Variants in GMEB1 observed in about 807,000 individuals in gnomAD.
GMEB1 encodes the protein glucocorticoid modulatory element-binding protein 1.
In GMEB1, 6 loss-of-function variants were observed where a neutral mutation model predicts 52.4. That is an observed-to-expected ratio of 0.11 (90% confidence interval 0.06 to 0.23). The LOEUF (loss-of-function observed/expected upper bound fraction) is 0.23. GMEB1 is among the 10% of genes least tolerant of loss of function. The pLI is 1.00. For synonymous variants in GMEB1, 255 were observed against 244.9 expected (o/e 1.04, Z -0.38); for missense variants, 486 against 685.6 (o/e 0.71, Z 3.25).
chr1:28,697,134 T>A, intron 6 of GMEB1, 50 bp downstream of exon 6: 1 of 1,103,380 alleles, frequency 9.1e-7, no homozygotes, highest in Non-Finnish European at 1.3e-6. Context: ...TCAGCAGAAC[T>A]TTCCCCCTTA....
intron 8 of GMEB1, among the ~76,000 whole-genome samples, chr1:28,705,350 T>C (rs895384224): frequency 6.6e-5 from 10 of 151,334 alleles, no homozygotes; most frequent in African/African-American, 2.4e-4. Context: ...GCCAAGGTTA[T>C]GCCACTGCCC....
At chr1:28,708,738 C>T (rs918795266) in intron 8 of GMEB1, among the ~76,000 whole-genome samples, 1 of 152,108 alleles carries the variant, frequency 6.6e-6, no homozygotes, top group Non-Finnish European at 1.5e-5. Flanking sequence ...ATGGGAGCCA[C>T]CACGCCCAGC....
intron 4 of GMEB1, among the ~76,000 whole-genome samples, 155 bp from the exon 5 acceptor site, chr1:28,692,787 C>G (rs1379017903): frequency 6.6e-6 from 1 of 152,114 alleles, no homozygotes; most frequent in Non-Finnish European, 1.5e-5. Flanking sequence ...ATCGTCTTCT[C>G]TAACACAATA....
intron 6 of GMEB1, among the ~76,000 whole-genome samples, chr1:28,698,388 A>G: frequency 6.6e-6 from 1 of 151,522 alleles, no homozygotes; most frequent in African/African-American, 2.4e-5. Flanking sequence ...AAAAAAAAAA[A>G]AAGAAGCCTG....
chr1:28,710,783 G>A (rs185336924), intron 9 of GMEB1, 141 bp downstream of exon 9: 23 of 477,780 alleles, frequency 4.8e-5, no homozygotes, highest in East Asian at 2.7e-4. Context: ...AAAAAAAGCC[G>A]CAGATGAGGT....
intron 1 of GMEB1, among the ~76,000 whole-genome samples, chr1:28,681,253 G>A (rs1282547211): frequency 6.6e-6 from 1 of 152,004 alleles, no homozygotes; most frequent in African/African-American, 2.4e-5. Context: ...GGTTAGCAGG[G>A]ACTAGCCAAA....
intron 5 of GMEB1, among the ~76,000 whole-genome samples, chr1:28,695,815 T>C (rs543040737): frequency 1.4e-5 from 2 of 142,274 alleles, no homozygotes; most frequent in South Asian, 4.6e-4. Flanking sequence ...GGCGGGCGCC[T>C]GTAGTCCCAG....
At chr1:28,693,351 G>T (rs1420789092) in intron 5 of GMEB1, among the ~76,000 whole-genome samples, 2 of 147,568 alleles carry the variant, frequency 1.4e-5, no homozygotes, top group Non-Finnish European at 3.0e-5. Context: ...CCGAGTAGCT[G>T]GGATTACAGG....
chr1:28,687,364 ACACACACACACAC>A (rs1669700844), intron 2 of GMEB1, among the ~76,000 whole-genome samples: 1 of 56,852 alleles, frequency 1.8e-5, no homozygotes, highest in African/African-American at 7.0e-5. Context: ...ACACACACAC[ACACACACACACAC>A]ACACACACAC....
rs868638719 is a variant in GMEB1 at position 28,668,904 on chromosome 1, G to A, written c.-31+65G>A. On this transcript the variant is annotated intron_variant, in intron 1 of 9. Transcript: ENST00000373816. ...GGTGGGGGCGGGGGGGCGGGCGCGGGGGCCGCGCGGCGGCCGGCGAGGGCG... is the reference window on the plus strand; with the variant it reads ...GGTGGGGGCGGGGGGGCGGGCGCGGAGGCCGCGCGGCGGCCGGCGAGGGCG... 352 of 144,476 alleles carry A rather than the reference G, an allele frequency of 2.4e-3. 1 individual carries two copies. Among genetic ancestry groups the A allele is most frequent in the African/African-American group, 8.4e-3 (341 of 40,514 alleles). The allele number at this position is 144,476 out of a possible 1,614,324, so 8.9% of individuals were successfully genotyped here. A position where few individuals can be genotyped will look rare whatever the true frequency, so the allele number is the denominator to read the frequency against.
At chr1:28,675,140 C>A (rs971690778) in intron 1 of GMEB1, among the ~76,000 whole-genome samples, 2 of 151,218 alleles carry the variant, frequency 1.3e-5, no homozygotes, top group Non-Finnish European at 2.9e-5. Flanking sequence ...GCCTCAGCCT[C>A]CCAAGTAGCT....
Position 28,710,572 on chromosome 1 carries a change from C to A in GMEB1, c.921C>A (p.Val307=). 1 of 1,610,774 alleles carries A rather than the reference C, an allele frequency of 6.2e-7. No individual in the cohort carries two copies. The highest frequency in any genetic ancestry group is 1.1e-5 in the South Asian group (1 of 90,508). Residue 307 remains valine, a synonymous_variant, in exon 9 of 10, where the codon GTC becomes GTA. Transcript: ENST00000373816. ...VAHTFGLMDT[V]KKVLDNRRNQ... ...ACACATTTGGCCTAATGGACACAGT[C>A]AAGAAGGTTTTAGACAACAGAAGGA...
Position 28,691,568 on chromosome 1 carries a change from AT to A in GMEB1, c.212-11del. 2 of 1,511,418 alleles carry A rather than the reference AT, an allele frequency of 1.3e-6. No individual in the cohort carries two copies. The highest frequency in any genetic ancestry group is 1.8e-6 in the Non-Finnish European group (2 of 1,112,270). 93.6% of individuals were successfully genotyped at this position (1,511,418 alleles called of 1,614,324 possible). On this transcript the variant is annotated splice_polypyrimidine_tract_variant and intron_variant, in intron 3 of 9. Transcript: ENST00000373816. ...AAGAGTTGTTTGATAAATAACTGAT[AT>A]TTTTTCTGTTTTCAGATACAGGCAC...
chr1:28,675,147 AGCT>A (rs1445414112), intron 1 of GMEB1, among the ~76,000 whole-genome samples: 3 of 150,018 alleles, frequency 2.0e-5, no homozygotes, highest in African/African-American at 7.4e-5. Flanking sequence ...CCTCCCAAGT[AGCT>A]GGGACTACAG....
intron 8 of GMEB1, among the ~76,000 whole-genome samples, chr1:28,706,519 G>A (rs1178921749): frequency 1.4e-4 from 21 of 151,366 alleles, no homozygotes; most frequent in Admixed American, 6.6e-5. Flanking sequence ...TGGGAGAATC[G>A]CTTGAACCCG....
intron 2 of GMEB1, chr1:28,689,532 G>A (rs1047604443): frequency 3.9e-5 from 6 of 152,372 alleles, no homozygotes; most frequent in African/African-American, 1.4e-4. Context: ...GGGAGGCTGA[G>A]GCAGGAGAAT....
chr1:28,690,546 C>A (rs935276061), intron 3 of GMEB1, among the ~76,000 whole-genome samples: 14 of 152,070 alleles, frequency 9.2e-5, no homozygotes, highest in African/African-American at 2.7e-4. Flanking sequence ...TGGAAAGAAA[C>A]TGGAAAGAAA....
intron 2 of GMEB1, 71 bp downstream of exon 2, chr1:28,683,811 A>G (rs988746239): frequency 2.8e-6 from 4 of 1,437,266 alleles, no homozygotes; most frequent in Non-Finnish European, 3.9e-6. Flanking sequence ...TTATAACTTT[A>G]TGGTTGCTTA....
chr1:28,710,728 CT>C (rs11415888), intron 9 of GMEB1, 86 bp downstream of exon 9: 13,989 of 664,928 alleles, frequency 0.021, no homozygotes, highest in Middle Eastern at 0.027. Context: ...GTTGGGGTAA[CT>C]TTTTTTTTTT....
Sources: allele counts gnomAD v4.1 joint callset (sites outside exome capture counted in the v4.1 genomes callset), GRCh38; gene constraint gnomAD v4.1.1; transcripts MANE v1.5; gene names NCBI Gene and HGNC (gene_info 2026-07-23, HGNC 2026-07-21).